CDH13: variants seen among roughly 807,000 people sequenced by gnomAD.
CDH13 encodes cadherin-13.
In CDH13, 24 loss-of-function variants were observed where a neutral mutation model predicts 63.8. The ratio of observed to expected loss-of-function variants is 0.38; its 90% CI spans 0.27 to 0.53. CDH13 has a LOEUF of 0.53. CDH13 is among the 20% of genes least tolerant of loss of function. CDH13 has a pLI of 0.85. For missense variants in CDH13, 1,049 were observed against 903.1 expected (o/e 1.16, Z -2.07); for synonymous variants, 503 against 355.3 (o/e 1.42, Z -4.67).
intron 4 of CDH13, among the ~76,000 whole-genome samples, chr16:83,212,733 C>T (rs750769117): frequency 6.6e-5 from 10 of 152,098 alleles, no homozygotes; most frequent in African/African-American, 1.9e-4. Context: ...CTTGGGTATG[C>T]GTGAGAATCA....
chr16:82,676,096 A>G (rs1192458418), intron 1 of CDH13, among the ~76,000 whole-genome samples: 1 of 152,152 alleles, frequency 6.6e-6, no homozygotes, highest in Non-Finnish European at 1.5e-5. Flanking sequence ...TGTATCTGAA[A>G]ATCTATTTTA....
intron 3 of CDH13, among the ~76,000 whole-genome samples, chr16:83,099,162 T>A (rs8057074): frequency 0.47 from 71,079 of 151,978 alleles, 16,894 homozygotes; most frequent in Middle Eastern, 0.6. Context: ...TCTAACATAT[T>A]TAATATGTTG....
chr16:83,262,029 A>G (rs1907056856), intron 5 of CDH13, among the ~76,000 whole-genome samples: 1 of 152,210 alleles, frequency 6.6e-6, no homozygotes, highest in African/African-American at 2.4e-5. Flanking sequence ...GTCTGAGGTT[A>G]CCTGGTGCAG....
rs199622346 is a variant in CDH13 at position 83,286,953 on chromosome 16, A to G, written c.637-57909A>G. On this transcript the variant is annotated intron_variant, in intron 5 of 13. Coordinates refer to ENST00000567109, the MANE Select transcript of CDH13 (RefSeq NM_001257.5). The stretch of plus-strand genomic sequence containing the variant: ...GTCCCCCTGCCATGCCCGTGCTCCT[A>G]TGTGTATTATAACCTGTACCCCATA... Among the ~76,000 whole-genome samples, 13 of 152,042 alleles carry G rather than the reference A, an allele frequency of 8.6e-5. No individual in the cohort carries two copies. The East Asian group carries it at 1.5e-3, about 18-fold the overall frequency.
At chr16:83,527,362 T>C (rs1315246268) in intron 7 of CDH13, among the ~76,000 whole-genome samples, 1 of 151,388 alleles carries the variant, frequency 6.6e-6, no homozygotes, top group East Asian at 1.9e-4. Flanking sequence ...GGCAGGAGAA[T>C]GGCGTGAACC....
chr16:83,435,589 T>C (rs2072271554), intron 6 of CDH13, among the ~76,000 whole-genome samples: 1 of 152,124 alleles, frequency 6.6e-6, no homozygotes, highest in Admixed American at 6.5e-5. Context: ...TGCCACGTGC[T>C]CTCTCCCTGA....
At chr16:83,644,972 A>T (rs1911654783) in intron 8 of CDH13, among the ~76,000 whole-genome samples, 1 of 152,154 alleles carries the variant, frequency 6.6e-6, no homozygotes, top group Non-Finnish European at 1.5e-5. Flanking sequence ...CCTCGCTTGG[A>T]CTTCAAACCT....
chr16:83,542,222 C>A (rs1039871222), intron 7 of CDH13, among the ~76,000 whole-genome samples: 6 of 152,172 alleles, frequency 3.9e-5, no homozygotes, highest in African/African-American at 1.4e-4. Context: ...CAGTTCTGAG[C>A]CTTGGTTGCA....
intron 7 of CDH13, among the ~76,000 whole-genome samples, chr16:83,509,328 A>G (rs2074500208): frequency 6.6e-6 from 1 of 152,246 alleles, no homozygotes; most frequent in Non-Finnish European, 1.5e-5. Context: ...GTATGGGATA[A>G]CTTGAGCAAA....
At chr16:82,710,807 T>C (rs979598739) in intron 1 of CDH13, among the ~76,000 whole-genome samples, 6 of 149,704 alleles carry the variant, frequency 4.0e-5, no homozygotes, top group Admixed American at 1.3e-4. Context: ...TATAAGTATA[T>C]ATGTATGTTT....
chr16:82,708,111 G>A (rs1238309009), intron 1 of CDH13, among the ~76,000 whole-genome samples: 1 of 152,190 alleles, frequency 6.6e-6, no homozygotes, highest in Non-Finnish European at 1.5e-5. Context: ...CTGCTTTTCA[G>A]TGCACGCATG....
chr16:82,977,483 C>T (rs568737887), intron 2 of CDH13, among the ~76,000 whole-genome samples: 5 of 152,230 alleles, frequency 3.3e-5, no homozygotes, highest in East Asian at 1.9e-4. Flanking sequence ...TGAGTTCTCA[C>T]GAGATGTGAT....
chr16:83,538,646 G>T (rs577960183), intron 7 of CDH13, among the ~76,000 whole-genome samples: 1 of 152,306 alleles, frequency 6.6e-6, no homozygotes, highest in African/African-American at 2.4e-5. Flanking sequence ...ACTTAGTAGC[G>T]CTGACGATCA....
intron 1 of CDH13, among the ~76,000 whole-genome samples, chr16:82,856,235 G>C (rs1307913553): frequency 2.0e-5 from 3 of 151,892 alleles, no homozygotes; most frequent in Admixed American, 2.0e-4. Flanking sequence ...AATTAGCCGG[G>C]TATGGTGGCG....
chr16:83,474,538 C>G (rs938774639), intron 6 of CDH13, among the ~76,000 whole-genome samples: 1 of 152,192 alleles, frequency 6.6e-6, no homozygotes, highest in Non-Finnish European at 1.5e-5. Context: ...CATGTTTGCT[C>G]AACCTCATTC....
intron 6 of CDH13, among the ~76,000 whole-genome samples, chr16:83,352,475 C>A (rs2090972984): frequency 6.6e-6 from 1 of 152,166 alleles, no homozygotes; most frequent in South Asian, 2.1e-4. Context: ...TGGGCGTCTA[C>A]ACAAAGGAAA....
At chr16:83,687,751 G>A (rs1281919961) in intron 10 of CDH13, among the ~76,000 whole-genome samples, 1 of 152,224 alleles carries the variant, frequency 6.6e-6, no homozygotes, top group Non-Finnish European at 1.5e-5. Flanking sequence ...TTAGAAGGAT[G>A]TGCAGGTCTC....
At chr16:83,259,105 C>T (rs1260331473) in intron 5 of CDH13, among the ~76,000 whole-genome samples, 2 of 152,124 alleles carry the variant, frequency 1.3e-5, no homozygotes, top group African/African-American at 2.4e-5. Context: ...GTGGGGAGAG[C>T]AGGGAACCTC....
At chr16:83,653,942 T>C (rs1450996779) in intron 8 of CDH13, among the ~76,000 whole-genome samples, 1 of 152,110 alleles carries the variant, frequency 6.6e-6, no homozygotes, top group African/African-American at 2.4e-5. Flanking sequence ...GATAGGGGAA[T>C]ATGTCCTTGG....
Sources: allele counts gnomAD v4.1 joint callset (sites outside exome capture counted in the v4.1 genomes callset), GRCh38; gene constraint gnomAD v4.1.1; transcripts MANE v1.5; gene names NCBI Gene and HGNC (gene_info 2026-07-23, HGNC 2026-07-21).